The following OPCML variants were observed in gnomAD, a reference collection of about 807,000 sequenced individuals.
The protein encoded by OPCML is opioid binding protein/cell adhesion molecule like, also known as opioid-binding protein/cell adhesion molecule.
A neutral mutation model predicts 37.8 loss-of-function variants in OPCML; 13 were observed. The ratio of observed to expected loss-of-function variants is 0.34; its 90% CI spans 0.22 to 0.55. The LOEUF (loss-of-function observed/expected upper bound fraction) is 0.55, where lower values mean the gene tolerates loss of function less well. Among genes scored for constraint, OPCML ranks in the 20% least tolerant of loss-of-function variants. OPCML has a pLI of 0.91. For synonymous variants in OPCML, 176 were observed against 168.8 expected (o/e 1.04, Z -0.33); for missense variants, 341 against 435.6 (o/e 0.78, Z 1.93).
intron 1 of OPCML, among the ~76,000 whole-genome samples, chr11:133,265,441 A>G (rs949179247): frequency 3.3e-5 from 5 of 152,224 alleles, no homozygotes; most frequent in African/African-American, 9.6e-5. Flanking sequence ...TATCTCTGCT[A>G]CTGCAACTTC....
At chr11:133,046,675 G>T (rs1479313243) in intron 1 of OPCML, among the ~76,000 whole-genome samples, 1 of 152,190 alleles carries the variant, frequency 6.6e-6, no homozygotes, top group Non-Finnish European at 1.5e-5. Context: ...GATTAGGGGT[G>T]CCCATACTGT....
At chr11:133,358,799 T>C (rs1373234964) in intron 1 of OPCML, among the ~76,000 whole-genome samples, 1 of 151,828 alleles carries the variant, frequency 6.6e-6, no homozygotes, top group Non-Finnish European at 1.5e-5. Flanking sequence ...GAGCCCTGAA[T>C]GGGGGGAAGG....
intron 4 of OPCML, among the ~76,000 whole-genome samples, chr11:132,445,299 T>G (rs1281820241): frequency 6.6e-6 from 1 of 152,022 alleles, no homozygotes; most frequent in Non-Finnish European, 1.5e-5. Context: ...CATGCATGTG[T>G]GAGAATGATG....
At chr11:132,928,758 T>C (rs1945088020) in intron 2 of OPCML, among the ~76,000 whole-genome samples, 1 of 151,862 alleles carries the variant, frequency 6.6e-6, no homozygotes, top group Non-Finnish European at 1.5e-5. Flanking sequence ...AAGACAGAAA[T>C]CATACTAAGT....
intron 4 of OPCML, among the ~76,000 whole-genome samples, chr11:132,498,972 A>G (rs2096239800): frequency 6.6e-6 from 1 of 152,226 alleles, no homozygotes; most frequent in South Asian, 2.1e-4. Flanking sequence ...TGTGGGTACA[A>G]TTCCTATGGA....
intron 3 of OPCML, among the ~76,000 whole-genome samples, chr11:132,592,738 G>T (rs2096486491): frequency 6.6e-6 from 1 of 152,144 alleles, no homozygotes; most frequent in African/African-American, 2.4e-5. Context: ...CCAAAAAAAG[G>T]AGTGGTCCAG....
Position 132,709,902 on chromosome 11 carries a change from C to T in OPCML, c.147-52583G>A, listed in dbSNP as rs546534491. Among the ~76,000 whole-genome samples the T allele has an allele frequency of 1.7e-4, 26 of 152,322 alleles. No individual in the cohort carries two copies. The South Asian group carries it at 5.4e-3, about 32-fold the overall frequency. On this transcript the variant is annotated intron_variant, in intron 2 of 7. Coordinates refer to ENST00000524381, the MANE Select transcript of OPCML (RefSeq NM_001012393.5). ...CTAATTTAAGCATTGGTCAGTGCCT[C>T]TTGCCTCTAGCACTGTCATTTTAAA...
At chr11:133,004,671 G>A (rs929512531) in intron 1 of OPCML, 8 of 985,320 alleles carry the variant, frequency 8.1e-6, no homozygotes, top group Non-Finnish European at 8.4e-6. Flanking sequence ...GAGGGACCAT[G>A]CCCTCGCTCT....
chr11:132,803,996 A>T (rs1403241661), intron 2 of OPCML, among the ~76,000 whole-genome samples: 1 of 152,214 alleles, frequency 6.6e-6, no homozygotes, highest in Non-Finnish European at 1.5e-5. Flanking sequence ...TTACATAAAT[A>T]ATTTTCACTT....
chr11:133,172,386 T>G (rs1327285937), intron 1 of OPCML, among the ~76,000 whole-genome samples: 2 of 152,184 alleles, frequency 1.3e-5, no homozygotes, highest in Non-Finnish European at 2.9e-5. Context: ...TTAAGAAAGC[T>G]TCTTGGAAGA....
chr11:133,033,620 C>T (rs1488343903), intron 1 of OPCML, among the ~76,000 whole-genome samples: 2 of 152,198 alleles, frequency 1.3e-5, no homozygotes, highest in East Asian at 3.8e-4. Flanking sequence ...ATAGCTGTCA[C>T]GTTGAAGCTG....
chr11:132,836,207 A>C (rs1225991477), intron 2 of OPCML, among the ~76,000 whole-genome samples: 1 of 152,248 alleles, frequency 6.6e-6, no homozygotes, highest in African/African-American at 2.4e-5. Flanking sequence ...TGTCTAATCC[A>C]CAGATAAACA....
chr11:132,425,455 G>A (rs990711411), intron 7 of OPCML, among the ~76,000 whole-genome samples: 1 of 152,154 alleles, frequency 6.6e-6, no homozygotes, highest in Non-Finnish European at 1.5e-5. Flanking sequence ...CAAGACCGCC[G>A]ACTACTCTGA....
intron 2 of OPCML, among the ~76,000 whole-genome samples, chr11:132,895,349 A>G (rs1003642428): frequency 1.3e-5 from 2 of 152,264 alleles, no homozygotes; most frequent in African/African-American, 4.8e-5. Flanking sequence ...AAGGAAAAGA[A>G]TGAGTTCAGG....
chr11:133,021,876 C>T (rs892680733), intron 1 of OPCML, among the ~76,000 whole-genome samples: 1 of 151,928 alleles, frequency 6.6e-6, no homozygotes, highest in South Asian at 2.1e-4. Flanking sequence ...TGTGCTGAGC[C>T]CCGTGCTACA....
chr11:133,380,345 G>A (rs1195548265), intron 1 of OPCML, among the ~76,000 whole-genome samples: 4 of 152,146 alleles, frequency 2.6e-5, no homozygotes, highest in East Asian at 3.9e-4. Flanking sequence ...GGAGTACTGG[G>A]GAAAATAATT....
At chr11:133,263,510 A>G (rs1941557086) in intron 1 of OPCML, among the ~76,000 whole-genome samples, 1 of 152,136 alleles carries the variant, frequency 6.6e-6, no homozygotes, top group African/African-American at 2.4e-5. Flanking sequence ...AGTAGGCTGT[A>G]CCTTCTAGGT....
At chr11:133,062,064 G>A (rs147922236) in intron 1 of OPCML, among the ~76,000 whole-genome samples, 1 of 152,274 alleles carries the variant, frequency 6.6e-6, no homozygotes, top group Admixed American at 6.5e-5. Flanking sequence ...TAGTGAAACT[G>A]TTAGCCTGGC....
At chr11:133,116,480 C>T (rs774167356) in intron 1 of OPCML, among the ~76,000 whole-genome samples, 2 of 152,176 alleles carry the variant, frequency 1.3e-5, no homozygotes, top group African/African-American at 2.4e-5. Context: ...CAACCTTCCT[C>T]CAGCTTTCTT....
Sources: gnomAD v4.1 joint callset for allele counts (sites outside exome capture counted in the v4.1 genomes callset) on GRCh38, gnomAD v4.1.1 for gene constraint, MANE v1.5 for transcripts, NCBI Gene and HGNC (gene_info 2026-07-23, HGNC 2026-07-21) for gene names.